MTSS1: variants seen among roughly 807,000 people sequenced by gnomAD.
The protein encoded by MTSS1 is MTSS I-BAR domain containing 1.
In MTSS1, 18 loss-of-function variants were observed where a neutral mutation model predicts 79.0. That is an observed-to-expected ratio of 0.23 (90% CI 0.16 to 0.34). The LOEUF is 0.34. Ranked by LOEUF, MTSS1 falls within the 10% of genes least tolerant of loss-of-function variation. The probability of loss-of-function intolerance (pLI) is 1.00; values close to 1 mark genes in which losing one functional copy is unlikely to be tolerated. For synonymous variants in MTSS1, 341 were observed against 368.6 expected, an observed-to-expected ratio of 0.93 and a Z score of 0.86; for missense variants, 815 against 986.2, an observed-to-expected ratio of 0.83 and a Z score of 2.33.
intron 11 of MTSS1, 50 bp from the exon 12 acceptor site, chr8:124,556,455 G>C: frequency 6.5e-7 from 1 of 1,549,232 alleles, no homozygotes; most frequent in Non-Finnish European, 8.7e-7. Context: ...CTCCACTGGA[G>C]GGCTGCGGGG....
At chr8:124,559,576 C>G (rs1482670538) in intron 10 of MTSS1, among the ~76,000 whole-genome samples, 1 of 152,128 alleles carries the variant, frequency 6.6e-6, no homozygotes, top group Non-Finnish European at 1.5e-5. Context: ...TCTGATGGAA[C>G]CCCAGGTCCC....
At chr8:124,709,699 G>A (rs1302521382) in intron 1 of MTSS1, among the ~76,000 whole-genome samples, 3 of 152,160 alleles carry the variant, frequency 2.0e-5, no homozygotes, top group Non-Finnish European at 2.9e-5. Context: ...GTTTACAAGC[G>A]TGTAAAGAGG....
At chr8:124,659,651 A>T (rs1821628286) in intron 3 of MTSS1, among the ~76,000 whole-genome samples, 1 of 152,226 alleles carries the variant, frequency 6.6e-6, no homozygotes. Context: ...AGAAATTCTT[A>T]GGAGGAAACA....
chr8:124,675,954 GT>G (rs1439621154), intron 3 of MTSS1, among the ~76,000 whole-genome samples: 2 of 152,216 alleles, frequency 1.3e-5, no homozygotes, highest in East Asian at 3.8e-4. Context: ...AGACATTCAT[GT>G]AGCAGGTGAC....
At chr8:124,709,703 A>G (rs1587927703) in intron 1 of MTSS1, among the ~76,000 whole-genome samples, 1 of 152,200 alleles carries the variant, frequency 6.6e-6, no homozygotes, top group African/African-American at 2.4e-5. Flanking sequence ...ACAAGCGTGT[A>G]AAGAGGACTC....
At chr8:124,560,963 T>C (rs1825154349) in intron 10 of MTSS1, among the ~76,000 whole-genome samples, 1 of 152,208 alleles carries the variant, frequency 6.6e-6, no homozygotes, top group Non-Finnish European at 1.5e-5. Flanking sequence ...GTATGCCCCC[T>C]TTCTCCCTAA....
rs1131024 is a variant in MTSS1 at position 124,551,528 on chromosome 8, A to G, written c.*1464T>C. 0.094 allele frequency: 14,372 copies of G among 152,676 alleles called. 831 individuals are homozygous for G. The highest frequency in any genetic ancestry group is 0.13 in the Non-Finnish European group (8,992 of 68,008). The allele number at this position is 152,676 out of a possible 1,614,324, so 9.5% of individuals were successfully genotyped here. Reference sequence around the variant, plus strand: ...AGGGTTAGAGCCAACAGGAATCTGCAGGGTGTATGAAACCCACCAAACTCC... The same window carrying G: ...AGGGTTAGAGCCAACAGGAATCTGCGGGGTGTATGAAACCCACCAAACTCC... On this transcript the variant is annotated 3_prime_UTR_variant, in exon 14 of 14. Transcript: ENST00000518547.
chr8:124,593,469 C>T (rs1279375023), intron 3 of MTSS1, among the ~76,000 whole-genome samples: 2 of 152,212 alleles, frequency 1.3e-5, no homozygotes, highest in Non-Finnish European at 2.9e-5. Context: ...GGGTAGTCAT[C>T]GAAATGTTGT....
intron 3 of MTSS1, among the ~76,000 whole-genome samples, chr8:124,612,574 ATG>A (rs58367314): frequency 0.098 from 9,705 of 99,312 alleles, 373 homozygotes; most frequent in Admixed American, 0.12. Context: ...CAAGTTTAAA[ATG>A]TGTGTGTGTG....
chr8:124,678,829 C>CTGGTTGGCTAGA (rs1825708928), intron 3 of MTSS1, among the ~76,000 whole-genome samples: 1 of 152,204 alleles, frequency 6.6e-6, no homozygotes, highest in South Asian at 2.1e-4. Context: ...ACAAGGTAGA[C>CTGGTTGGCTAGA]CCAGTCTCTA....
chr8:124,678,827 G>C (rs1825708487), intron 3 of MTSS1, among the ~76,000 whole-genome samples: 1 of 152,214 alleles, frequency 6.6e-6, no homozygotes, highest in Non-Finnish European at 1.5e-5. Context: ...GAACAAGGTA[G>C]ACCCAGTCTC....
intron 3 of MTSS1, among the ~76,000 whole-genome samples, chr8:124,690,737 C>G (rs1827806565): frequency 6.6e-6 from 1 of 152,212 alleles, no homozygotes. Flanking sequence ...GTTTTATCAG[C>G]AGTAATGCTA....
chr8:124,712,807 A>G (rs1475684220), intron 1 of MTSS1, among the ~76,000 whole-genome samples: 1 of 151,624 alleles, frequency 6.6e-6, no homozygotes, highest in Non-Finnish European at 1.5e-5. Context: ...ACTGAACCAC[A>G]AAAGGTGCTC....
chr8:124,657,476 A>C (rs1484276358), intron 3 of MTSS1, among the ~76,000 whole-genome samples: 1 of 83,044 alleles, frequency 1.2e-5, no homozygotes, highest in African/African-American at 6.3e-5. Flanking sequence ...CAGAGTCAGC[A>C]AAAAAAAAAA....
intron 9 of MTSS1, 79 bp from the exon 10 acceptor site, chr8:124,563,071 A>T (rs1401969803): frequency 8.8e-6 from 11 of 1,251,452 alleles, no homozygotes; most frequent in Non-Finnish European, 1.0e-5. Context: ...AGGAGGAAGG[A>T]GGGGAACAGA....
chr8:124,596,930 G>A (rs1269210792), intron 3 of MTSS1, among the ~76,000 whole-genome samples: 1 of 152,048 alleles, frequency 6.6e-6, no homozygotes, highest in Non-Finnish European at 1.5e-5. Context: ...AGTCCTATTG[G>A]ATTAGGGCCC....
At chr8:124,616,559 A>G (rs1836908313) in intron 3 of MTSS1, among the ~76,000 whole-genome samples, 2 of 152,176 alleles carry the variant, frequency 1.3e-5, no homozygotes, top group Non-Finnish European at 2.9e-5. Context: ...CTCACCAGAG[A>G]GTGAGACACA....
intron 3 of MTSS1, among the ~76,000 whole-genome samples, chr8:124,668,220 A>AT (rs1280823554): frequency 6.6e-6 from 1 of 152,144 alleles, no homozygotes; most frequent in Non-Finnish European, 1.5e-5. Flanking sequence ...GAAGGTGGTG[A>AT]TTCGCTTTTT....
chr8:124,625,209 G>A (rs909528018), intron 3 of MTSS1, among the ~76,000 whole-genome samples: 1 of 152,178 alleles, frequency 6.6e-6, no homozygotes, highest in Non-Finnish European at 1.5e-5. Context: ...ACATGACCTT[G>A]GAAAGGACAC....
Sources: gnomAD v4.1 joint callset for allele counts (sites outside exome capture counted in the v4.1 genomes callset) on GRCh38, gnomAD v4.1.1 for gene constraint, MANE v1.5 for transcripts, NCBI Gene and HGNC (gene_info 2026-07-23, HGNC 2026-07-21) for gene names.